Variants in FGF13 observed in about 807,000 individuals in gnomAD.
The protein encoded by FGF13 is fibroblast growth factor 13, also known as fibroblast growth factor homologous factor 2.
In FGF13, 2 loss-of-function variants were observed where a neutral mutation model predicts 19.5. The observed-to-expected ratio is 0.10, with a 90% CI of 0.04 to 0.32. The LOEUF is 0.32. Among genes scored for constraint, FGF13 ranks in the 10% least tolerant of loss-of-function variants. The pLI, the probability that FGF13 is intolerant of heterozygous loss-of-function variation, is 1.00. For missense variants in FGF13, 113 were observed against 192.7 expected (o/e 0.59, Z 2.45); for synonymous variants, 72 against 76.9 (o/e 0.94, Z 0.33).
At chrX:138,967,692 C>T (rs113478644) in intron 1 of FGF13, among the ~76,000 whole-genome samples, 156 of 111,464 alleles carry the variant, frequency 1.4e-3, no homozygotes, top group Non-Finnish European at 2.6e-3. Context: ...TTTGATCCAA[C>T]TGCATAATGC....
At chrX:138,703,834 C>A (rs2124237467) in intron 2 of FGF13, among the ~76,000 whole-genome samples, 1 of 112,088 alleles carries the variant, frequency 8.9e-6, no homozygotes, top group Admixed American at 9.4e-5. Flanking sequence ...CCTGTCTTAG[C>A]CTCCCTAGTG....
chrX:139,121,129 A>G (rs1390494404), intron 1 of FGF13, among the ~76,000 whole-genome samples: 1 of 112,023 alleles, frequency 8.9e-6, no homozygotes, highest in Non-Finnish European at 1.9e-5. Flanking sequence ...TGATTCTGAC[A>G]TCATTATAAT....
At chrX:138,740,418 A>G (rs1291309100), upstream of FGF13, among the ~76,000 whole-genome samples, 1 of 112,037 alleles carries the variant, frequency 8.9e-6, no homozygotes, top group African/African-American at 3.2e-5. Context: ...ATATTTTTTC[A>G]TAAGCTTCTC....
intron 1 of FGF13, among the ~76,000 whole-genome samples, chrX:139,163,104 G>T: frequency 8.9e-6 from 1 of 112,009 alleles, no homozygotes; most frequent in East Asian, 2.8e-4. Context: ...TATGTTTATT[G>T]CAGCACTATT....
chrX:138,887,013 TA>T (rs1220898074), intron 1 of FGF13, among the ~76,000 whole-genome samples: 1 of 111,606 alleles, frequency 9.0e-6, no homozygotes, highest in African/African-American at 3.3e-5. Flanking sequence ...TACTTTGTTC[TA>T]GTCTGGCAAG....
intron 1 of FGF13, among the ~76,000 whole-genome samples, chrX:138,989,269 A>C (rs2092005408): frequency 9.0e-6 from 1 of 111,612 alleles, no homozygotes; most frequent in Admixed American, 9.6e-5. Flanking sequence ...CTGGGATTTT[A>C]TGTTACTGCT....
At chrX:138,809,451 T>C in intron 3 of FGF13, among the ~76,000 whole-genome samples, 1 of 111,450 alleles carries the variant, frequency 9.0e-6, no homozygotes, top group East Asian at 2.9e-4. Context: ...TATCTCAAAA[T>C]AATAAGAGCT....
intron 3 of FGF13, among the ~76,000 whole-genome samples, chrX:138,752,731 T>C (rs1354499063): frequency 8.9e-6 from 1 of 112,052 alleles, no homozygotes; most frequent in Non-Finnish European, 1.9e-5. Flanking sequence ...CCTATGCTCC[T>C]GAGTCTCTCA....
At chrX:139,176,042 TG>T (rs1221814972) in intron 1 of FGF13, among the ~76,000 whole-genome samples, 1 of 111,954 alleles carries the variant, frequency 8.9e-6, no homozygotes, top group African/African-American at 3.2e-5. Flanking sequence ...GGGCTTCTTT[TG>T]GTTGGTAGGC....
chrX:138,914,033 T>C (rs140485658), intron 1 of FGF13, among the ~76,000 whole-genome samples: 51 of 108,835 alleles, frequency 4.7e-4, no homozygotes, highest in African/African-American at 1.7e-3. Flanking sequence ...GCCTTAAAAA[T>C]AAAGAAAATG....
chrX:138,864,645 C>T (rs942517204), exon 2 of FGF13: 4 of 112,448 alleles, frequency 3.6e-5, no homozygotes, highest in Non-Finnish European at 7.5e-5. Context: ...AGGATAGATC[C>T]CCCTGCTGAA....
intron 1 of FGF13, among the ~76,000 whole-genome samples, chrX:138,976,538 G>T (rs112788023): frequency 0.012 from 1,295 of 110,852 alleles, 20 homozygotes; most frequent in African/African-American, 0.039. Context: ...GAGCTATAAA[G>T]ACTCAGAAGG....
At chrX:139,042,152 C>T (rs1443659870) in intron 1 of FGF13, among the ~76,000 whole-genome samples, 6 of 112,196 alleles carry the variant, frequency 5.3e-5, no homozygotes, top group East Asian at 2.8e-4. Context: ...GCAATAAAGA[C>T]GGCATGGTTA....
At chrX:138,978,840 T>A (rs2091951894) in intron 1 of FGF13, among the ~76,000 whole-genome samples, 1 of 111,754 alleles carries the variant, frequency 8.9e-6, no homozygotes, top group African/African-American at 3.3e-5. Context: ...GATTTTGAGA[T>A]AATGGAGTAA....
upstream of FGF13, chrX:139,204,037 C>T (rs114849724): frequency 0.016 from 19,014 of 1,204,079 alleles, 1,847 homozygotes; most frequent in African/African-American, 0.29. Flanking sequence ...GGAAAGCAGG[C>T]GGACTCGGCG....
chrX:139,119,736 C>G (rs752411206), intron 1 of FGF13, among the ~76,000 whole-genome samples: 2 of 112,507 alleles, frequency 1.8e-5, no homozygotes, highest in East Asian at 5.6e-4. Flanking sequence ...ATAGTAATGA[C>G]AGCAGACTTT....
At chrX:138,887,845 A>C (rs1290552652) in intron 1 of FGF13, among the ~76,000 whole-genome samples, 1 of 111,592 alleles carries the variant, frequency 9.0e-6, no homozygotes, top group Non-Finnish European at 1.9e-5. Context: ...CTTAAATGTG[A>C]CTGCCTTTTT....
rs1375798769 is a variant in FGF13 at position 138,624,695 on chromosome X, C to T, written c.*8155G>A. On this transcript the variant is annotated 3_prime_UTR_variant, in exon 5 of 5. Coordinates refer to ENST00000315930, the MANE Select transcript of FGF13 (RefSeq NM_004114.5). Reference sequence around the variant, plus strand: ...AGGAGTTTTAGACCAGCCTGGGCAACAGGGTGAAACTCCATCTCTACTAAA... The same window carrying T: ...AGGAGTTTTAGACCAGCCTGGGCAATAGGGTGAAACTCCATCTCTACTAAA... The T allele has an allele frequency of 9.0e-6, 1 of 111,341 alleles. No individual in the cohort carries two copies. Among genetic ancestry groups the T allele is most frequent in the Non-Finnish European group, 1.9e-5 (1 of 53,021 alleles). 9.2% of individuals were successfully genotyped at this position (111,341 alleles called of 1,213,427 possible). A position where few individuals can be genotyped will look rare whatever the true frequency, so the allele number is the denominator to read the frequency against.
intron 1 of FGF13, among the ~76,000 whole-genome samples, chrX:139,162,071 A>T (rs1481299755): frequency 1.8e-5 from 2 of 112,263 alleles, no homozygotes; most frequent in Non-Finnish European, 3.8e-5. Context: ...TAGAACCACA[A>T]AAAGAGCCTG....
Sources: gnomAD v4.1 joint callset for allele counts (sites outside exome capture counted in the v4.1 genomes callset) on GRCh38, gnomAD v4.1.1 for gene constraint, MANE v1.5 for transcripts, NCBI Gene and HGNC (gene_info 2026-07-23, HGNC 2026-07-21) for gene names.